ZNF512: variants seen among roughly 807,000 people sequenced by gnomAD.
The protein encoded by ZNF512 is zinc finger protein 512.
ZNF512 carries 25 observed loss-of-function variants against 77.5 expected under a neutral mutation model. The observed-to-expected ratio is 0.32, with a 90% CI of 0.23 to 0.45. The LOEUF (loss-of-function observed/expected upper bound fraction) is 0.45, where lower values mean the gene tolerates loss of function less well. ZNF512 is among the 20% of genes least tolerant of loss of function. The probability of loss-of-function intolerance (pLI) is 1.00; values close to 1 mark genes in which losing one functional copy is unlikely to be tolerated. For missense variants in ZNF512, 483 were observed against 692.6 expected (o/e 0.70, Z 3.40); for synonymous variants, 246 against 239.9 (o/e 1.03, Z -0.24).
chr2:27,598,906 C>T (rs1196947700), intron 3 of ZNF512, among the ~76,000 whole-genome samples: 1 of 151,964 alleles, frequency 6.6e-6, no homozygotes, highest in Non-Finnish European at 1.5e-5. Context: ...AGCTCAGGCT[C>T]ACCGCACCCT....
chr2:27,600,785 T>C lies in ZNF512; in HGVS notation c.552T>C (p.Gly184=), dbSNP rs146046364. 1.7e-5 allele frequency: 27 copies of C among 1,613,108 alleles called. No individual in the cohort carries two copies. The highest frequency in any genetic ancestry group is 2.3e-5 in the Non-Finnish European group (27 of 1,179,704). The change falls in exon 6 of 14, where the codon GGT becomes GGC. Residue 184 remains glycine (G), a synonymous_variant. Transcript: ENST00000355467. ...CAGTGGGGAGGAAGACCATAGAGGG[T>C]TTAAAGAAACACATGGAAAACTGCA... ...CQAVGRKTIE[G]LKKHMENCKQ...
intron 10 of ZNF512, among the ~76,000 whole-genome samples, chr2:27,610,375 A>T (rs933360480): frequency 3.1e-4 from 45 of 146,780 alleles, no homozygotes; most frequent in African/African-American, 6.7e-4. Flanking sequence ...AAAAAAAAAA[A>T]AATAAATAAA....
intron 2 of ZNF512, among the ~76,000 whole-genome samples, chr2:27,592,313 A>T (rs1235322431): frequency 6.7e-6 from 1 of 149,700 alleles, no homozygotes; most frequent in Non-Finnish European, 1.5e-5. Flanking sequence ...TTATTTATTT[A>T]TTTTTATTTT....
At position 27,621,378 on chromosome 2, in the gene ZNF512, AAGGAACCAGAGC is replaced by A; in HGVS notation, c.1626_1637del (p.Glu544_Pro547del). On this transcript the variant is annotated inframe_deletion, in exon 14 of 14. Transcript: ENST00000355467. ...GGAACTGGTAGTGTCAGCCTCCTGT[AAGGAACCAGAGC>A]AGGAGCCAGTGCCAGCACAGTTCCA... is the stretch of plus-strand genomic sequence containing the variant. The A allele has an allele frequency of 6.2e-7, 1 of 1,614,138 alleles. No individual in the cohort carries two copies. Among genetic ancestry groups the A allele is most frequent in the Non-Finnish European group, 8.5e-7 (1 of 1,180,024 alleles).
chr2:27,600,177 G>A lies in ZNF512; in HGVS notation c.457+124G>A, dbSNP rs1572916831. On this transcript the variant is annotated intron_variant, in intron 5 of 13. Transcript: ENST00000355467. ...AAGGAGGCAGTTACTAAGGGCTCTA[G>A]TTTGGAGTCAGACAGACCTTTGCTC... The A allele has an allele frequency of 2.7e-6, 3 of 1,097,118 alleles. No homozygotes were observed. In the East Asian group the frequency reaches 7.7e-5, roughly 28 times the overall value. 68.0% of individuals were successfully genotyped at this position (1,097,118 alleles called of 1,614,324 possible). A position where few individuals can be genotyped will look rare whatever the true frequency, so the allele number is the denominator to read the frequency against.
At chr2:27,586,815 T>G (rs1216555043) in intron 2 of ZNF512, among the ~76,000 whole-genome samples, 1 of 152,196 alleles carries the variant, frequency 6.6e-6, no homozygotes, top group Non-Finnish European at 1.5e-5. Flanking sequence ...GTTTGCATAT[T>G]CTAGGATTTT....
intron 2 of ZNF512, among the ~76,000 whole-genome samples, chr2:27,595,076 G>A (rs1671796275): frequency 6.6e-6 from 1 of 152,144 alleles, no homozygotes; most frequent in Non-Finnish European, 1.5e-5. Context: ...TTGTAGCTAG[G>A]TGAGATCACG....
In ZNF512 at chr2:27,602,354, G is replaced by A. The variant is rs112464851; in HGVS notation, c.670-109G>A. ...GAGTCAGAAAACTTGGGCTTCATTG[G>A]CACCAGCTTAGCTGCCAGTCCAATC... is the stretch of plus-strand genomic sequence containing the variant. On this transcript the variant is annotated intron_variant, in intron 7 of 13. Transcript: ENST00000355467. 2.1e-3 allele frequency: 2,186 copies of A among 1,047,656 alleles called. 41 individuals carry two copies. The African/African-American group carries it at 0.031, about 15-fold the overall frequency. The allele number at this position is 1,047,656 out of a possible 1,614,324, so 64.9% of individuals were successfully genotyped here. A position where few individuals can be genotyped will look rare whatever the true frequency, so the allele number is the denominator to read the frequency against.
chr2:27,596,043 G>A (rs563130628), intron 2 of ZNF512, among the ~76,000 whole-genome samples: 7 of 152,194 alleles, frequency 4.6e-5, no homozygotes, highest in Admixed American at 2.6e-4. Flanking sequence ...GAATGTTGCC[G>A]TTTCTGTTTT....
chr2:27,610,544 G>GTGTGTATA (rs1413007886), intron 10 of ZNF512, among the ~76,000 whole-genome samples: 75 of 32,648 alleles, frequency 2.3e-3, no homozygotes, highest in East Asian at 4.8e-3. Context: ...ATATGTGTGT[G>GTGTGTATA]TATATATATA....
intron 13 of ZNF512, among the ~76,000 whole-genome samples, chr2:27,618,216 G>A (rs1013177373): frequency 6.6e-6 from 1 of 152,056 alleles, no homozygotes; most frequent in East Asian, 1.9e-4. Flanking sequence ...CACCATGCCC[G>A]GCCTGAACTC....
In ZNF512 at chr2:27,621,457, A is replaced by G. The variant is rs374760125; in HGVS notation, c.1700A>G (p.Lys567Arg). Reference protein sequence around the residue: ...PPKTNHKRGRK With the variant: ...PPKTNHKRGRR ...AAGACTAATCATAAACGAGGAAGGA[A>G]ATAGGCAGTCAGTGTAAAAGTGCTC... Residue 567 changes from lysine (K) to arginine (R), a missense_variant, in exon 14 of 14, where the codon AAA becomes AGA. This residue lies in a region of ZNF512 where 324 missense variants were observed against 525.0 expected (regional missense o/e 0.62). Coordinates refer to ENST00000355467, the MANE Select transcript of ZNF512 (RefSeq NM_032434.4). The G allele has an allele frequency of 1.2e-6, 2 of 1,607,828 alleles. No homozygotes were observed. The highest frequency in any genetic ancestry group is 2.7e-5 in the African/African-American group (2 of 74,820).
chr2:27,614,923 G>A (rs1672819615), intron 10 of ZNF512, among the ~76,000 whole-genome samples: 1 of 151,100 alleles, frequency 6.6e-6, no homozygotes, highest in South Asian at 2.1e-4. Context: ...TTTTTAAACT[G>A]TAGGTGAAGT....
chr2:27,623,041 G>A lies in ZNF512; in HGVS notation c.*1580G>A, dbSNP rs1207621989. On this transcript the variant is annotated 3_prime_UTR_variant, in exon 14 of 14. Transcript: ENST00000355467. Reference sequence around the variant, plus strand: ...AAGAAGCTATGTTAATTTCTGGTGAGTAAGACCTGGGGAATGTTTGGCAAT... The same window carrying A: ...AAGAAGCTATGTTAATTTCTGGTGAATAAGACCTGGGGAATGTTTGGCAAT... The A allele has an allele frequency of 6.5e-6, 1 of 152,766 alleles. No individual in the cohort carries two copies. The highest frequency in any genetic ancestry group is 1.5e-5 in the Non-Finnish European group (1 of 68,040). The allele number at this position is 152,766 out of a possible 1,614,324, so 9.5% of individuals were successfully genotyped here. A position where few individuals can be genotyped will look rare whatever the true frequency, so the allele number is the denominator to read the frequency against.
In ZNF512 at chr2:27,600,744, T is replaced by C; in HGVS notation, c.511T>C (p.Cys171Arg). 6.2e-7 allele frequency: 1 copy of C among 1,614,118 alleles called. No homozygotes were observed. The highest frequency in any genetic ancestry group is 8.5e-7 in the Non-Finnish European group (1 of 1,179,976). The change falls in exon 6 of 14, where the codon TGC becomes CGC. Residue 171 changes from cysteine to arginine, a missense_variant. Cys to Arg is a radical substitution (Grantham distance 180). Around this residue, in one of 2 missense-constraint regions of ZNF512, gnomAD observed 324 missense variants for 525.0 expected, o/e 0.62. Coordinates refer to ENST00000355467, the MANE Select transcript of ZNF512 (RefSeq NM_032434.4). ...AATCGTTGATAAAGGCAGTGTCTCC[T>C]GCCCTACCTGCCAGGCAGTGGGGAG... The part of the protein sequence containing the change: ...LEIVDKGSVS[C>R]PTCQAVGRKT...
chr2:27,593,195 TACACACACACACACACACAC>T lies in ZNF512; in HGVS notation c.90-4840_90-4821del, dbSNP rs57568574. ...GGACAACAAAGTGAGACCCTGTCTC[TACACACACACACACACACAC>T]ACACACACACACACACACACACACA... On this transcript the variant is annotated intron_variant, in intron 2 of 13. Transcript: ENST00000355467. 4.2e-3 allele frequency among the ~76,000 whole-genome samples: 467 copies of T among 112,144 alleles called. 6 individuals are homozygous for T. The highest frequency in any genetic ancestry group is 0.015 in the African/African-American group (416 of 27,894). The allele number at this position is 112,144 out of a possible 152,430, so 73.6% of individuals were successfully genotyped here.
chr2:27,601,002 A>G (rs1672093501), intron 6 of ZNF512, among the ~76,000 whole-genome samples, 187 bp downstream of exon 6: 1 of 152,258 alleles, frequency 6.6e-6, no homozygotes, highest in Non-Finnish European at 1.5e-5. Context: ...TGTGGCATTT[A>G]GCTTTTTATA....
intron 2 of ZNF512, among the ~76,000 whole-genome samples, chr2:27,587,837 C>T (rs6725014): frequency 0.023 from 3,545 of 151,940 alleles, 149 homozygotes; most frequent in African/African-American, 0.081. Context: ...TGTGCCGCCA[C>T]GCCTGGCTAA....
chr2:27,587,268 GTTT>G (rs57745266), intron 2 of ZNF512, among the ~76,000 whole-genome samples: 30 of 132,924 alleles, frequency 2.3e-4, no homozygotes, highest in Non-Finnish European at 2.9e-4. Context: ...TAATTCATGG[GTTT>G]TTTTTTTTTT....
Sources: gnomAD v4.1 joint callset for allele counts (sites outside exome capture counted in the v4.1 genomes callset) on GRCh38, gnomAD v4.1.1 for gene constraint, gnomAD v4.1.1 regional missense constraint, MANE v1.5 for transcripts, NCBI Gene and HGNC (gene_info 2026-07-23, HGNC 2026-07-21) for gene names.